The following ACSM5 variants were observed in gnomAD, a reference collection of about 807,000 sequenced individuals.
ACSM5 encodes the protein acyl-coenzyme A synthetase ACSM5, mitochondrial.
Under a neutral mutation model 71.6 loss-of-function variants are expected in ACSM5, and 56 were observed. The observed-to-expected ratio is 0.78, with a 90% CI of 0.63 to 0.98. ACSM5 has a LOEUF of 0.98. Ranked by LOEUF, ACSM5 falls within the 50% of genes least tolerant of loss-of-function variation. The pLI is 0.00. For missense variants in ACSM5, 723 were observed against 726.0 expected (o/e 1.00, Z 0.05); for synonymous variants, 285 against 281.5 (o/e 1.01, Z -0.12).
At chr16:20,425,412 A>G (rs146913925) in intron 6 of ACSM5, among the ~76,000 whole-genome samples, 1 of 152,186 alleles carries the variant, frequency 6.6e-6, no homozygotes, top group Admixed American at 6.5e-5. Flanking sequence ...GCTTCAAAAC[A>G]TAGTAGATTC....
At chr16:20,419,565 G>A (rs1264570097) in intron 4 of ACSM5, 130 bp downstream of exon 4, 4 of 843,826 alleles carry the variant, frequency 4.7e-6, no homozygotes, top group Non-Finnish European at 7.6e-6. Flanking sequence ...TGGCAGCCAG[G>A]CTGACCTGAG....
At chr16:20,419,026 A>T (rs1966865479) in intron 3 of ACSM5, among the ~76,000 whole-genome samples, 1 of 152,182 alleles carries the variant, frequency 6.6e-6, no homozygotes, top group Non-Finnish European at 1.5e-5. Flanking sequence ...TGAGCCTAGC[A>T]AGCCTCCACT....
chr16:20,423,828 G>T, intron 5 of ACSM5, 88 bp from the exon 6 acceptor site: 1 of 1,510,166 alleles, frequency 6.6e-7, no homozygotes, highest in Non-Finnish European at 9.0e-7. Context: ...CACTGAGCAG[G>T]GCTCCAAATG....
At position 20,418,089 on chromosome 16, in the gene ACSM5, T is replaced by C; in HGVS notation, c.235T>C (p.Trp79Arg). The C allele has an allele frequency of 6.2e-7, 1 of 1,613,886 alleles. No homozygotes were observed. The highest frequency in any genetic ancestry group is 1.3e-5 in the African/African-American group (1 of 75,050). ...ACACCGCCCCCCAAATCCTGCCTTCTGGTGGGTCAATGGCACAGGAGCAGA... is the reference window on the plus strand; with the variant it reads ...ACACCGCCCCCCAAATCCTGCCTTCCGGTGGGTCAATGGCACAGGAGCAGA... ...AGHRPPNPAFWWVNGTGAEIK... is the reference protein window; with the variant it reads ...AGHRPPNPAFRWVNGTGAEIK... Residue 79 changes from tryptophan (W) to arginine (R), a missense_variant, in exon 3 of 14, where the codon TGG becomes CGG. Transcript: ENST00000331849.
Position 20,419,308 on chromosome 16 carries a change from A to G in ACSM5, c.496A>G (p.Ile166Val), listed in dbSNP as rs1240967168. 2 of 1,614,116 alleles carry G rather than the reference A, an allele frequency of 1.2e-6. No individual in the cohort carries two copies. The highest frequency in any genetic ancestry group is 1.7e-6 in the Non-Finnish European group (2 of 1,180,020). Residue 166 changes from isoleucine to valine, a missense_variant, in exon 4 of 14, where the codon ATT becomes GTT. Physicochemically the swap from Ile to Val is conservative, Grantham distance 29 (BLOSUM62 3). Coordinates refer to ENST00000331849, the MANE Select transcript of ACSM5 (RefSeq NM_017888.3). ...YRLQASRAKS[I>V]ITSDSLAPRV... is the part of the protein sequence containing the mutation. Reference sequence around the variant, plus strand: ...GCTGCAGGCGTCCAGGGCCAAGTCCATTATCACCAGTGACTCCCTAGCTCC... The same window carrying G: ...GCTGCAGGCGTCCAGGGCCAAGTCCGTTATCACCAGTGACTCCCTAGCTCC...
chr16:20,412,510 C>A (rs537550241), intron 2 of ACSM5, among the ~76,000 whole-genome samples: 3 of 152,070 alleles, frequency 2.0e-5, no homozygotes, highest in Non-Finnish European at 4.4e-5. Flanking sequence ...CTTTATTTTC[C>A]CTTATATCTG....
chr16:20,424,092 C>T (rs1340601630), intron 6 of ACSM5, 23 bp downstream of exon 6: 2 of 1,612,666 alleles, frequency 1.2e-6, no homozygotes, highest in Admixed American at 3.3e-5. Flanking sequence ...ACCAACAATA[C>T]CCCATATGTG....
intron 6 of ACSM5, among the ~76,000 whole-genome samples, chr16:20,425,562 C>T (rs1966963447): frequency 6.6e-6 from 1 of 152,160 alleles, no homozygotes; most frequent in Non-Finnish European, 1.5e-5. Context: ...AATTTGTAGT[C>T]TTTTATCCCT....
At chr16:20,420,271 A>G (rs1247167508) in intron 4 of ACSM5, among the ~76,000 whole-genome samples, 1 of 152,194 alleles carries the variant, frequency 6.6e-6, no homozygotes, top group East Asian at 1.9e-4. Flanking sequence ...AACCAGACAC[A>G]GCTGAGCAAG....
intron 5 of ACSM5, among the ~76,000 whole-genome samples, chr16:20,421,642 TATATATATATATATACAC>T (rs1327707263): frequency 2.8e-5 from 4 of 141,374 alleles, no homozygotes; most frequent in African/African-American, 1.1e-4. Flanking sequence ...TATATATATA[TATATATATATATATACAC>T]ACACACATAT....
At chr16:20,415,708 C>G (rs547431450) in intron 2 of ACSM5, among the ~76,000 whole-genome samples, 1 of 152,250 alleles carries the variant, frequency 6.6e-6, no homozygotes, top group African/African-American at 2.4e-5. Flanking sequence ...ATTGGGAGCC[C>G]AGAGGGTGGA....
chr16:20,436,931 T>G, intron 10 of ACSM5, 121 bp from the exon 11 acceptor site: 3 of 1,154,548 alleles, frequency 2.6e-6, no homozygotes, highest in Non-Finnish European at 3.7e-6. Context: ...AGCCGGGACT[T>G]TAGGAACTGC....
At position 20,437,006 on chromosome 16, in the gene ACSM5, G is replaced by A. The variant is rs561412750; in HGVS notation, c.1309-46G>A. The A allele has an allele frequency of 5.0e-6, 8 of 1,598,574 alleles. No homozygotes were observed. The South Asian group carries it at 7.8e-5, about 15-fold the overall frequency. The stretch of plus-strand genomic sequence containing the variant: ...GCTACTGGGGCAGTAACTGGCCTTA[G>A]CAGTTGTTCCCAGAGGGTCCTTCAC... On this transcript the variant is annotated intron_variant, in intron 10 of 13. Coordinates refer to ENST00000331849, the MANE Select transcript of ACSM5 (RefSeq NM_017888.3).
At chr16:20,424,373 A>G (rs776144859) in intron 6 of ACSM5, among the ~76,000 whole-genome samples, 1 of 152,082 alleles carries the variant, frequency 6.6e-6, no homozygotes, top group Non-Finnish European at 1.5e-5. Context: ...TCAAACCCTT[A>G]GGCAAAATCA....
Position 20,421,341 on chromosome 16 carries a change from C to A in ACSM5, c.707C>A (p.Ala236Asp), listed in dbSNP as rs770231201. Residue 236 changes from alanine (A) to aspartate (D), a missense_variant, in exon 5 of 14, where the codon GCC becomes GAC. Coordinates refer to ENST00000331849, the MANE Select transcript of ACSM5 (RefSeq NM_017888.3). ...AIYFTSGTTG[A>D]PKMVEHSQSS... is the part of the protein sequence containing the mutation. ...TACTTTACCAGCGGAACCACCGGGG[C>A]CCCCAAGATGGTCGAGCACTCCCAG... 2.0e-5 allele frequency: 32 copies of A among 1,609,430 alleles called. No homozygotes were observed. The highest frequency in any genetic ancestry group is 1.7e-4 in the Middle Eastern group (1 of 5,976).
chr16:20,424,030 G>A lies in ACSM5; in HGVS notation c.882G>A (p.Val294=), dbSNP rs764390919. 2 of 1,614,108 alleles carry A rather than the reference G, an allele frequency of 1.2e-6. No homozygotes were observed. Among genetic ancestry groups the A allele is most frequent in the Non-Finnish European group, 1.7e-6 (2 of 1,179,996 alleles). Residue 294 remains valine (V), a synonymous_variant, in exon 6 of 14, where the codon GTG becomes GTA. Transcript: ENST00000331849. Reference sequence around the variant, plus strand: ...GGCCTAATGGATCTTGCATTTTTGTGCATGAGCTGCCCCGAGTTGATGCCA... The same window carrying A: ...GGCCTAATGGATCTTGCATTTTTGTACATGAGCTGCCCCGAGTTGATGCCA... The part of the protein sequence containing the change: ...SAWPNGSCIF[V]HELPRVDAKV...
intron 10 of ACSM5, among the ~76,000 whole-genome samples, chr16:20,436,755 C>T (rs1484511254): frequency 6.6e-6 from 1 of 152,130 alleles, no homozygotes; most frequent in Non-Finnish European, 1.5e-5. Context: ...AGCCAGTGGC[C>T]CTGTGCCCAC....
At position 20,430,988 on chromosome 16, in the gene ACSM5, C is replaced by T; in HGVS notation, c.1126-5C>T. 6.2e-7 allele frequency: 1 copy of T among 1,610,710 alleles called. No individual in the cohort carries two copies. Among genetic ancestry groups the T allele is most frequent in the South Asian group, 1.1e-5 (1 of 90,496 alleles). On this transcript the variant is annotated splice_polypyrimidine_tract_variant and splice_region_variant and intron_variant, in intron 8 of 13. Transcript: ENST00000331849. ...TCTTCTTTATCTGTACTGCGTTCTC[C>T]CCAGGTTGTCATCTGTGCCAATCCA...
intron 2 of ACSM5, among the ~76,000 whole-genome samples, chr16:20,413,541 G>A (rs1224108734): frequency 2.0e-5 from 3 of 152,180 alleles, no homozygotes; most frequent in Non-Finnish European, 2.9e-5. Flanking sequence ...CTTCATTGTT[G>A]CCTAAGGTGA....
Sources: gnomAD v4.1 joint callset for allele counts (sites outside exome capture counted in the v4.1 genomes callset) on GRCh38, gnomAD v4.1.1 for gene constraint, MANE v1.5 for transcripts, NCBI Gene and HGNC (gene_info 2026-07-23, HGNC 2026-07-21) for gene names.